Variants in ZNF804A observed in about 807,000 individuals in gnomAD.
ZNF804A encodes zinc finger protein 804A.
A neutral mutation model predicts 16.5 loss-of-function variants in ZNF804A; 2 were observed. That is an observed-to-expected ratio of 0.12 (90% confidence interval 0.05 to 0.38). The LOEUF (loss-of-function observed/expected upper bound fraction) is 0.38. ZNF804A is among the 10% of genes least tolerant of loss of function. The probability of loss-of-function intolerance (pLI) is 0.99; values close to 1 mark genes in which losing one functional copy is unlikely to be tolerated. For synonymous variants in ZNF804A, 534 were observed against 489.6 expected (o/e 1.09, Z -1.20); for missense variants, 1,473 against 1,390.7 (o/e 1.06, Z -0.94).
intron 1 of ZNF804A, among the ~76,000 whole-genome samples, chr2:184,635,134 T>A (rs1691675503): frequency 6.6e-6 from 1 of 152,204 alleles, no homozygotes; most frequent in Non-Finnish European, 1.5e-5. Context: ...CCTAAGCTGT[T>A]ATGTAATTCA....
intron 1 of ZNF804A, among the ~76,000 whole-genome samples, chr2:184,712,045 C>A (rs1167988670): frequency 6.6e-6 from 1 of 151,570 alleles, no homozygotes; most frequent in East Asian, 1.9e-4. Context: ...ATCTGTAAGT[C>A]TTCTTGAGTA....
intron 1 of ZNF804A, among the ~76,000 whole-genome samples, chr2:184,773,250 T>C (rs1694243845): frequency 6.6e-6 from 1 of 151,788 alleles, no homozygotes; most frequent in African/African-American, 2.4e-5. Context: ...ACAGTTCTTT[T>C]AGATTTTTGT....
chr2:184,760,552 A>T (rs72901873), intron 1 of ZNF804A, among the ~76,000 whole-genome samples: 7,881 of 152,188 alleles, frequency 0.052, 263 homozygotes, highest in Middle Eastern at 0.078. Context: ...ATTTTAAGGT[A>T]CTATATCTTA....
intron 1 of ZNF804A, among the ~76,000 whole-genome samples, chr2:184,836,646 T>C (rs1695349889): frequency 6.6e-6 from 1 of 151,762 alleles, no homozygotes; most frequent in Non-Finnish European, 1.5e-5. Flanking sequence ...GGTAGATACA[T>C]AGATATTATA....
chr2:184,928,643 A>G (rs1484936409), intron 2 of ZNF804A, among the ~76,000 whole-genome samples: 1 of 152,176 alleles, frequency 6.6e-6, no homozygotes, highest in Non-Finnish European at 1.5e-5. Flanking sequence ...ATAAAGCTGA[A>G]CTTTATTTAG....
intron 2 of ZNF804A, among the ~76,000 whole-genome samples, chr2:184,900,803 C>T (rs1685168241): frequency 6.6e-6 from 1 of 152,126 alleles, no homozygotes; most frequent in African/African-American, 2.4e-5. Context: ...AGATCCTCCG[C>T]TGGTCAGTAC....
intron 1 of ZNF804A, among the ~76,000 whole-genome samples, chr2:184,651,299 G>C (rs1691979368): frequency 6.6e-6 from 1 of 152,020 alleles, no homozygotes; most frequent in South Asian, 2.1e-4. Flanking sequence ...ACTCAAAATG[G>C]ATTAAAGATT....
At chr2:184,876,233 G>A (rs934847173) in intron 2 of ZNF804A, among the ~76,000 whole-genome samples, 19 of 152,186 alleles carry the variant, frequency 1.2e-4, no homozygotes, top group African/African-American at 3.6e-4. Flanking sequence ...TTAAACTGCT[G>A]TTTAGTGATC....
At chr2:184,706,753 T>G (rs1200304398) in intron 1 of ZNF804A, among the ~76,000 whole-genome samples, 2 of 152,194 alleles carry the variant, frequency 1.3e-5, no homozygotes, top group African/African-American at 4.8e-5. Context: ...GTTTCATTAT[T>G]CATTGGAGAG....
chr2:184,729,174 T>TA (rs1693471650), intron 1 of ZNF804A, among the ~76,000 whole-genome samples: 1 of 151,828 alleles, frequency 6.6e-6, no homozygotes, highest in Non-Finnish European at 1.5e-5. Context: ...AGAATAAATT[T>TA]TAAGTGCTCT....
chr2:184,693,744 G>A (rs1178652103), intron 1 of ZNF804A, among the ~76,000 whole-genome samples: 1 of 151,840 alleles, frequency 6.6e-6, no homozygotes, highest in Non-Finnish European at 1.5e-5. Flanking sequence ...TTACCCTCTT[G>A]ATAAATTATT....
intron 1 of ZNF804A, among the ~76,000 whole-genome samples, chr2:184,600,867 A>G (rs149965467): frequency 1.6e-4 from 25 of 152,292 alleles, no homozygotes; most frequent in African/African-American, 5.3e-4. Context: ...AAGGTAGGTT[A>G]AAGTCTAGAT....
intron 1 of ZNF804A, among the ~76,000 whole-genome samples, chr2:184,838,273 TA>T (rs1378446690): frequency 6.6e-6 from 1 of 152,110 alleles, no homozygotes; most frequent in Non-Finnish European, 1.5e-5. Context: ...GCATTAAAAC[TA>T]GACTACTTAT....
intron 1 of ZNF804A, among the ~76,000 whole-genome samples, chr2:184,625,174 G>A (rs778431270): frequency 5.9e-5 from 9 of 152,002 alleles, no homozygotes; most frequent in Non-Finnish European, 1.0e-4. Flanking sequence ...TAATAAATGT[G>A]GGTTTTTCCC....
chr2:184,751,530 TTAACA>T (rs1436024763), intron 1 of ZNF804A, among the ~76,000 whole-genome samples: 1 of 151,236 alleles, frequency 6.6e-6, no homozygotes, highest in Non-Finnish European at 1.5e-5. Context: ...CTACATCAAA[TTAACA>T]AGATTCTACA....
chr2:184,642,946 T>A (rs1691815636), intron 1 of ZNF804A, among the ~76,000 whole-genome samples: 1 of 152,140 alleles, frequency 6.6e-6, no homozygotes, highest in African/African-American at 2.4e-5. Flanking sequence ...ACGTGTTAAT[T>A]GATATGAACT....
chr2:184,649,108 A>G (rs1259751519), intron 1 of ZNF804A, among the ~76,000 whole-genome samples: 1 of 152,158 alleles, frequency 6.6e-6, no homozygotes, highest in Non-Finnish European at 1.5e-5. Context: ...TAGAGTGAAA[A>G]TAGAAATCAA....
intron 1 of ZNF804A, among the ~76,000 whole-genome samples, chr2:184,767,928 T>C (rs1558955849): frequency 6.6e-6 from 1 of 152,122 alleles, no homozygotes; most frequent in South Asian, 2.1e-4. Context: ...TCATGTTTTA[T>C]AGCTGCTATA....
intron 1 of ZNF804A, among the ~76,000 whole-genome samples, chr2:184,779,596 T>G (rs1296693879): frequency 6.6e-6 from 1 of 151,744 alleles, no homozygotes; most frequent in East Asian, 1.9e-4. Context: ...GGCCCTTAAG[T>G]GCAAAAGAGG....
Sources: allele counts gnomAD v4.1 joint callset (sites outside exome capture counted in the v4.1 genomes callset), GRCh38; gene constraint gnomAD v4.1.1; transcripts MANE v1.5; gene names NCBI Gene and HGNC (gene_info 2026-07-23, HGNC 2026-07-21).